Variants in GOLGA3 observed in about 807,000 individuals in gnomAD.
The protein encoded by GOLGA3 is golgin A3.
Under a neutral mutation model 169.4 loss-of-function variants are expected in GOLGA3, and 75 were observed. The observed-to-expected ratio is 0.44, with a 90% CI of 0.37 to 0.54. The LOEUF (loss-of-function observed/expected upper bound fraction) is 0.54. GOLGA3 is among the 20% of genes least tolerant of loss of function. The probability of loss-of-function intolerance (pLI) is 0.00; values close to 1 mark genes in which losing one functional copy is unlikely to be tolerated. For missense variants in GOLGA3, 1,899 were observed against 1,930.0 expected (o/e 0.98, Z 0.30); for synonymous variants, 824 against 822.4 (o/e 1.00, Z -0.03).
chr12:132,780,056 TAC>T lies in GOLGA3; in HGVS notation c.3582+740_3582+741del, dbSNP rs563509848. On this transcript the variant is annotated intron_variant, in intron 18 of 23. Transcript: ENST00000450791. ...TTGCACGGACACCCCCCCGCGCACA[TAC>T]ACACACACACCCCAGGCACACGTGT... 6.8e-4 allele frequency among the ~76,000 whole-genome samples: 61 copies of T among 90,046 alleles called. 1 individual carries two copies. The highest frequency in any genetic ancestry group is 5.6e-3 in the South Asian group (14 of 2,506). 59.1% of individuals were successfully genotyped at this position (90,046 alleles called of 152,430 possible). A position where few individuals can be genotyped will look rare whatever the true frequency, so the allele number is the denominator to read the frequency against.
At chr12:132,794,577 A>G (rs1948733024) in intron 11 of GOLGA3, among the ~76,000 whole-genome samples, 1 of 152,236 alleles carries the variant, frequency 6.6e-6, no homozygotes, top group South Asian at 2.1e-4. Flanking sequence ...TGGATTAAAT[A>G]ACTGCCAGTA....
chr12:132,825,837 C>A, intron 1 of GOLGA3: 1 of 1,050,858 alleles, frequency 9.5e-7, no homozygotes, highest in Non-Finnish European at 1.5e-6. Context: ...GGCTTCAAGA[C>A]ACCCAAAGAG....
rs771048296 is a variant in GOLGA3, at chr12:132,789,274, T to A, written c.2564A>T (p.Tyr855Phe). The change falls in exon 13 of 24, where the codon TAC becomes TTC. Residue 855 changes from tyrosine (Y) to phenylalanine (F), a missense_variant. By Grantham distance (22) the Tyr-to-Phe change is conservative (BLOSUM62 3). Coordinates refer to ENST00000450791, the MANE Select transcript of GOLGA3 (RefSeq NM_001389683.1). ...GTCTTTGGAGGTGGCGTCGCGCCGG[T>A]AGGCCTCCACCATCACCTGCCAAAG... ...FLQQKVMVEA[Y>F]RRDATSKDQL... The A allele has an allele frequency of 7.5e-6, 12 of 1,597,882 alleles. No individual in the cohort carries two copies. Among genetic ancestry groups the A allele is most frequent in the Non-Finnish European group, 9.3e-6 (11 of 1,177,068 alleles).
chr12:132,779,910 ACAGCCCCCCG>A (rs2045475866), intron 18 of GOLGA3, among the ~76,000 whole-genome samples: 2 of 125,682 alleles, frequency 1.6e-5, no homozygotes, highest in Admixed American at 2.0e-4. Context: ...TCTTGCACGC[ACAGCCCCCCG>A]CATGCACACA....
intron 15 of GOLGA3, among the ~76,000 whole-genome samples, chr12:132,784,528 CTT>C (rs895695461): frequency 6.6e-6 from 1 of 152,246 alleles, no homozygotes; most frequent in African/African-American, 2.4e-5. Flanking sequence ...AAAATCATCT[CTT>C]CAGTTCAATG....
At chr12:132,814,061 G>A (rs897028201) in intron 3 of GOLGA3, among the ~76,000 whole-genome samples, 3 of 114,146 alleles carry the variant, frequency 2.6e-5, no homozygotes, top group African/African-American at 1.0e-4. Flanking sequence ...TTTCATTCTT[G>A]TTGCCCAGGC....
At chr12:132,827,637 C>T (rs1403307938) in intron 1 of GOLGA3, 3 of 151,918 alleles carry the variant, frequency 2.0e-5, no homozygotes, top group African/African-American at 7.3e-5. Context: ...TTAAGGCAAT[C>T]GGGGGAAAAA....
Position 132,807,880 on chromosome 12 carries a change from G to A in GOLGA3, c.1178+11C>T. On this transcript the variant is annotated intron_variant, in intron 5 of 23. Transcript: ENST00000450791. ...TCCACCCACCCCGCCCACCTCTGCTGTCCCCACCACCTGCTGCAGATGCTG... is the reference window on the plus strand; with the variant it reads ...TCCACCCACCCCGCCCACCTCTGCTATCCCCACCACCTGCTGCAGATGCTG... 7.2e-7 allele frequency: 1 copy of A among 1,398,238 alleles called. No individual in the cohort carries two copies. Among genetic ancestry groups the A allele is most frequent in the Non-Finnish European group, 9.7e-7 (1 of 1,033,966 alleles). The allele number at this position is 1,398,238 out of a possible 1,614,324, so 86.6% of individuals were successfully genotyped here. A position where few individuals can be genotyped will look rare whatever the true frequency, so the allele number is the denominator to read the frequency against.
intron 1 of GOLGA3, among the ~76,000 whole-genome samples, chr12:132,827,143 C>A (rs1357366495): frequency 6.9e-6 from 1 of 144,898 alleles, no homozygotes; most frequent in Non-Finnish European, 1.5e-5. Context: ...ATTCACGGCT[C>A]CATCTACACC....
Position 132,816,760 on chromosome 12 carries a change from G to A in GOLGA3, c.186C>T (p.Gly62=), listed in dbSNP as rs748064883. ...GCCCGTTCTGACAGAGGCCTCCCTG[G>A]CCAGGTCCATCCGGGCTTTCCCCTT... The part of the protein sequence containing the change: ...STEGESPDGP[G]QGGLCQNGPT... Residue 62 remains glycine (G), a synonymous_variant, in exon 3 of 24, where the codon GGC becomes GGT. Transcript: ENST00000450791. The A allele has an allele frequency of 6.2e-7, 1 of 1,612,190 alleles. No homozygotes were observed. Among genetic ancestry groups the A allele is most frequent in the East Asian group, 2.2e-5 (1 of 44,820 alleles).
intron 7 of GOLGA3, 30 bp from the exon 8 acceptor site, chr12:132,801,999 C>A (rs1949149657): frequency 6.4e-7 from 1 of 1,568,048 alleles, no homozygotes; most frequent in Admixed American, 1.7e-5. Context: ...GCGGCTCAGG[C>A]CAGCGACGGC....
At chr12:132,786,956 C>G (rs1203319538) in intron 13 of GOLGA3, among the ~76,000 whole-genome samples, 169 bp from the exon 14 acceptor site, 2 of 145,246 alleles carry the variant, frequency 1.4e-5, no homozygotes, top group East Asian at 4.0e-4. Flanking sequence ...ACAAACCACT[C>G]TTTTTTTTTT....
At position 132,775,321 on chromosome 12, in the gene GOLGA3, TCAGATTTTTAAAAGCTAA is replaced by T. The variant is rs1225213235; in HGVS notation, c.3979-34_3979-17del. ...ACTTGACGTTCTGTGGAAAATGAAGTCAGATTTTTAAAAGCTAACAGATCTTAAACATCCTGCCAAGAT... is the reference window on the plus strand; with the variant it reads ...ACTTGACGTTCTGTGGAAAATGAAGTCAGATCTTAAACATCCTGCCAAGAT... On this transcript the variant is annotated splice_polypyrimidine_tract_variant and intron_variant, in intron 21 of 23. Transcript: ENST00000450791. 6.3e-7 allele frequency: 1 copy of T among 1,591,268 alleles called. No homozygotes were observed. Among genetic ancestry groups the T allele is most frequent in the South Asian group, 1.1e-5 (1 of 87,844 alleles).
At chr12:132,823,882 A>T (rs1566152837) in intron 1 of GOLGA3, among the ~76,000 whole-genome samples, 1 of 152,124 alleles carries the variant, frequency 6.6e-6, no homozygotes, top group Non-Finnish European at 1.5e-5. Flanking sequence ...CAGAATTTCA[A>T]GACCAGCCTG....
At chr12:132,826,266 G>C (rs529955668) in intron 1 of GOLGA3, 12 of 1,118,950 alleles carry the variant, frequency 1.1e-5, no homozygotes, top group African/African-American at 3.2e-5. Flanking sequence ...AAAGAAACTG[G>C]AAGAGCAGCA....
chr12:132,780,376 A>C (rs1043903907), intron 18 of GOLGA3, among the ~76,000 whole-genome samples: 1 of 152,204 alleles, frequency 6.6e-6, no homozygotes, highest in Non-Finnish European at 1.5e-5. Flanking sequence ...CGACGTGACC[A>C]ACGTGTCAGT....
intron 1 of GOLGA3, chr12:132,828,328 CGT>C (rs1213496149): frequency 6.6e-6 from 1 of 152,446 alleles, no homozygotes; most frequent in African/African-American, 2.4e-5. Context: ...GGTTCATACC[CGT>C]GACAACGCCC....
At chr12:132,798,298 G>C in intron 9 of GOLGA3, 42 bp downstream of exon 9, 1 of 1,566,004 alleles carries the variant, frequency 6.4e-7, no homozygotes, top group South Asian at 1.2e-5. Flanking sequence ...CGATGTCTGC[G>C]TCTGTTCTCC....
At chr12:132,775,869 T>C (rs908552930) in intron 21 of GOLGA3, among the ~76,000 whole-genome samples, 6 of 152,262 alleles carry the variant, frequency 3.9e-5, no homozygotes, top group African/African-American at 1.4e-4. Context: ...TTGAGAAGTT[T>C]ATCGCAAATT....
Sources: gnomAD v4.1 joint callset for allele counts (sites outside exome capture counted in the v4.1 genomes callset) on GRCh38, gnomAD v4.1.1 for gene constraint, MANE v1.5 for transcripts, NCBI Gene and HGNC (gene_info 2026-07-23, HGNC 2026-07-21) for gene names.